The following BRCA1 variants were observed in gnomAD, a reference collection of about 807,000 sequenced individuals.
The protein encoded by BRCA1 is BRCA1 DNA repair associated, also known as breast cancer type 1 susceptibility protein.
A neutral mutation model predicts 173.7 loss-of-function variants in BRCA1; 140 were observed. That is an observed-to-expected ratio of 0.81 (90% confidence interval 0.70 to 0.93). The LOEUF (loss-of-function observed/expected upper bound fraction) is 0.93. Among genes scored for constraint, BRCA1 ranks in the 40% least tolerant of loss-of-function variants. The probability of loss-of-function intolerance (pLI) is 0.00; values close to 1 mark genes in which losing one functional copy is unlikely to be tolerated. For synonymous variants in BRCA1, 662 were observed against 756.0 expected (o/e 0.88, Z 2.04); for missense variants, 1,983 against 2,172.5 (o/e 0.91, Z 1.73).
chr17:43,087,000 G>A lies in BRCA1; in HGVS notation c.4185+3944C>T, dbSNP rs1219489379. On this transcript the variant is annotated intron_variant, in intron 11 of 22. Coordinates refer to ENST00000357654, the MANE Select transcript of BRCA1 (RefSeq NM_007294.4). ...AGAAGATAAGCCTTCTCTAATTGTA[G>A]TTCTCATAGCAATGCAAGATTTAGA... is the stretch of plus-strand genomic sequence containing the variant. Among the ~76,000 whole-genome samples, 4 of 152,304 alleles carry A rather than the reference G, an allele frequency of 2.6e-5. No individual in the cohort carries two copies. The East Asian group carries it at 7.7e-4, about 29-fold the overall frequency.
In BRCA1 at chr17:43,049,683, TC is replaced by T. The variant is rs1200649620; in HGVS notation, c.5333-490del. On this transcript the variant is annotated intron_variant, in intron 20 of 22. Coordinates refer to ENST00000357654, the MANE Select transcript of BRCA1 (RefSeq NM_007294.4). ...CATCCAGTCAAAAAAATACATGTTATCCTGGTTAGAGACTCAGCAGGGAAAG... is the reference window on the plus strand; with the variant it reads ...CATCCAGTCAAAAAAATACATGTTATCTGGTTAGAGACTCAGCAGGGAAAG... Among the ~76,000 whole-genome samples, 3 of 152,278 alleles carry T rather than the reference TC, an allele frequency of 2.0e-5. No homozygotes were observed. The East Asian group carries it at 5.8e-4, about 29-fold the overall frequency.
rs887713531 is a variant in BRCA1 at position 43,045,469 on chromosome 17, T to A, written c.*209A>T. 6.4e-6 allele frequency: 5 copies of A among 784,010 alleles called. No individual in the cohort carries two copies. The African/African-American group carries it at 6.8e-5, about 11-fold the overall frequency. The allele number at this position is 784,010 out of a possible 1,614,324, so 48.6% of individuals were successfully genotyped here. A position where few individuals can be genotyped will look rare whatever the true frequency, so the allele number is the denominator to read the frequency against. On this transcript the variant is annotated 3_prime_UTR_variant, in exon 23 of 23. Coordinates refer to ENST00000357654, the MANE Select transcript of BRCA1 (RefSeq NM_007294.4). ...AAAAATTACCATAATTTTGTGCTCA[T>A]GGCAGATTTCCAAGGGAGACTTCAA...
rs868833612 is a variant in BRCA1 at position 43,143,130 on chromosome 17, C to T, written c.-19-19015G>A. ...TTTATTTTATTTTTTTTGGTAGACA[C>T]GGGTTTCTCCATGTTGGTTAGGCTG... On this transcript the variant is annotated intron_variant, in intron 1 of 7. Transcript: ENST00000634433. Among the ~76,000 whole-genome samples the T allele has an allele frequency of 8.6e-5, 13 of 150,338 alleles. No individual in the cohort carries two copies. In the Middle Eastern group the frequency reaches 0.014, roughly 161 times the overall value.
Position 43,094,725 on chromosome 17 carries a change from A to G in BRCA1, c.806T>C (p.Leu269Ser), listed in dbSNP as rs2154492047. 2 of 1,611,630 alleles carry G rather than the reference A, an allele frequency of 1.2e-6. No individual in the cohort carries two copies. The highest frequency in any genetic ancestry group is 1.7e-6 in the Non-Finnish European group (2 of 1,178,292). Residue 269 changes from leucine to serine, a missense_variant, in exon 10 of 23, where the codon TTG becomes TCG. Physicochemically the swap from Leu to Ser is moderately radical, Grantham distance 145. Coordinates refer to ENST00000357654, the MANE Select transcript of BRCA1 (RefSeq NM_007294.4). ...EKYQGSSVSN[L>S]HVEPCGTNTH... The stretch of plus-strand genomic sequence containing the variant: ...ATTTGTGCCACATGGCTCCACATGC[A>G]AGTTTGAAACAGAACTACCCTGATA...
At chr17:43,140,402 A>G (rs1278204792) in intron 1 of BRCA1, 2 of 164,128 alleles carry the variant, frequency 1.2e-5, no homozygotes, top group Middle Eastern at 3.1e-3. Context: ...GGGACCTCCA[A>G]TTTATAGCCA....
intron 11 of BRCA1, among the ~76,000 whole-genome samples, chr17:43,089,142 C>T (rs1345805491): frequency 6.6e-6 from 1 of 151,902 alleles, no homozygotes; most frequent in Non-Finnish European, 1.5e-5. Context: ...GTGAAACCCT[C>T]TCTCTACTAA....
chr17:43,169,264 C>A (rs1392576013), intron 1 of BRCA1, among the ~76,000 whole-genome samples: 1 of 152,160 alleles, frequency 6.6e-6, no homozygotes, highest in Non-Finnish European at 1.5e-5. Context: ...CTGCAACCTC[C>A]GCCTCCTGGG....
rs71157698 is a variant in BRCA1, at chr17:43,046,222, CTTTTTTTTTTT to C, written c.5468-431_5468-421del. ...ACAGGCGTGAGCCACTGCACCTGGC[CTTTTTTTTTTT>C]TTTTTTTTTTTTTTGAGACGGAGTC... On this transcript the variant is annotated intron_variant, in intron 22 of 22. Coordinates refer to ENST00000357654, the MANE Select transcript of BRCA1 (RefSeq NM_007294.4). Among the ~76,000 whole-genome samples, 15 of 68,350 alleles carry C rather than the reference CTTTTTTTTTTT, an allele frequency of 2.2e-4. No individual in the cohort carries two copies. In the South Asian group the frequency reaches 6.3e-3, roughly 29 times the overall value. 44.8% of individuals were successfully genotyped at this position (68,350 alleles called of 152,430 possible). A position where few individuals can be genotyped will look rare whatever the true frequency, so the allele number is the denominator to read the frequency against.
At chr17:43,170,275 G>C (rs1321992870), upstream of BRCA1, 1 of 168,860 alleles carries the variant, frequency 5.9e-6, no homozygotes, top group East Asian at 1.9e-4. Context: ...CTGAGCAATA[G>C]CCTCTCAGAA....
chr17:43,112,810 T>G (rs1229815939), intron 3 of BRCA1, among the ~76,000 whole-genome samples: 1 of 141,770 alleles, frequency 7.1e-6, no homozygotes, highest in Non-Finnish European at 1.5e-5. Context: ...TTTTTTGTTG[T>G]TTTTTTTTTT....
intron 1 of BRCA1, among the ~76,000 whole-genome samples, chr17:43,137,050 G>C (rs1320186570): frequency 6.6e-6 from 1 of 152,098 alleles, no homozygotes; most frequent in African/African-American, 2.4e-5. Flanking sequence ...ATCAATGATA[G>C]ACTGGATTAA....
rs1239940502 is a variant in BRCA1, at chr17:43,100,669, T to C, written c.442-789A>G. ...AACATATATATAACATATATATATA[T>C]ATATATATAATATATATATATATAT... is the stretch of plus-strand genomic sequence containing the variant. On this transcript the variant is annotated intron_variant, in intron 6 of 22. Transcript: ENST00000357654. Among the ~76,000 whole-genome samples, 3 of 24,778 alleles carry C rather than the reference T, an allele frequency of 1.2e-4. 1 individual carries two copies. The highest frequency in any genetic ancestry group is 1.4e-3 in the South Asian group (1 of 722). 16.3% of individuals were successfully genotyped at this position (24,778 alleles called of 152,430 possible).
chr17:43,142,998 ATG>A (rs1196061319), intron 1 of BRCA1, among the ~76,000 whole-genome samples: 4 of 149,416 alleles, frequency 2.7e-5, no homozygotes, highest in Admixed American at 2.0e-4. Context: ...ATATGTATAT[ATG>A]TATATATGTG....
Position 43,082,663 on chromosome 17 carries a change from G to A in BRCA1, c.4186-88C>T, listed in dbSNP as rs1467320923. 6.9e-6 allele frequency: 10 copies of A among 1,444,900 alleles called. No homozygotes were observed. The Admixed American group carries it at 1.6e-4, about 23-fold the overall frequency. 89.5% of individuals were successfully genotyped at this position (1,444,900 alleles called of 1,614,324 possible). A position where few individuals can be genotyped will look rare whatever the true frequency, so the allele number is the denominator to read the frequency against. On this transcript the variant is annotated intron_variant, in intron 11 of 22. Transcript: ENST00000357654. The stretch of plus-strand genomic sequence containing the variant: ...AAATATATCATACAAATTAATTTTA[G>A]CACAGGAATTGAAATCACCTAGTAT...
intron 10 of BRCA1, 37 bp from the exon 11 acceptor site, chr17:43,091,069 A>G (rs2154260071): frequency 6.3e-7 from 1 of 1,574,978 alleles, no homozygotes; most frequent in Non-Finnish European, 8.7e-7. Context: ...ATGTAAAAGC[A>G]GACTATAAAC....
At chr17:43,063,761 CT>C in intron 17 of BRCA1, 112 bp downstream of exon 17, 1 of 819,962 alleles carries the variant, frequency 1.2e-6, no homozygotes, top group Non-Finnish European at 2.1e-6. Flanking sequence ...AATTAAAGAC[CT>C]TTTGGTAACT....
At chr17:43,108,351 GC>G (rs1258101757) in intron 3 of BRCA1, among the ~76,000 whole-genome samples, 1 of 148,940 alleles carries the variant, frequency 6.7e-6, no homozygotes, top group African/African-American at 2.5e-5. Flanking sequence ...AAAAAAAAAG[GC>G]ATTGGGAATT....
In BRCA1 at chr17:43,082,311, A is replaced by C. The variant is rs2053033473; in HGVS notation, c.4357+93T>G. The C allele has an allele frequency of 2.2e-6, 3 of 1,349,086 alleles. No homozygotes were observed. The Admixed American group carries it at 5.8e-5, about 26-fold the overall frequency. 83.6% of individuals were successfully genotyped at this position (1,349,086 alleles called of 1,614,324 possible). ...CCCATGTGCTGAGCAAGGATCATAA[A>C]ATGTTGGAGCTAGGTCCTTACTCTT... On this transcript the variant is annotated intron_variant, in intron 12 of 22. Coordinates refer to ENST00000357654, the MANE Select transcript of BRCA1 (RefSeq NM_007294.4).
At chr17:43,045,915 G>A (rs2152642591) in intron 22 of BRCA1, 113 bp from the exon 23 acceptor site, 2 of 1,291,274 alleles carry the variant, frequency 1.5e-6, no homozygotes, top group Non-Finnish European at 2.1e-6. Flanking sequence ...TAATGAGGTA[G>A]AAGCTAATTT....
Sources: gnomAD v4.1 joint callset for allele counts (sites outside exome capture counted in the v4.1 genomes callset) on GRCh38, gnomAD v4.1.1 for gene constraint, MANE v1.5 for transcripts, NCBI Gene and HGNC (gene_info 2026-07-23, HGNC 2026-07-21) for gene names.